Variants in TFDP1 observed in about 807,000 individuals in gnomAD.
TFDP1 encodes the protein DRTF1-polypeptide 1.
A neutral mutation model predicts 48.0 loss-of-function variants in TFDP1; 6 were observed. That is an observed-to-expected ratio of 0.13 (90% CI 0.07 to 0.25). The LOEUF (loss-of-function observed/expected upper bound fraction) is 0.25. Ranked by LOEUF, TFDP1 falls within the 10% of genes least tolerant of loss-of-function variation. The probability of loss-of-function intolerance (pLI) is 1.00; values close to 1 mark genes in which losing one functional copy is unlikely to be tolerated. For synonymous variants in TFDP1, 201 were observed against 211.6 expected (o/e 0.95, Z 0.44); for missense variants, 335 against 543.0 (o/e 0.62, Z 3.81).
chr13:113,636,243 C>T, intron 9 of TFDP1, 115 bp downstream of exon 9: 7 of 1,395,416 alleles, frequency 5.0e-6, no homozygotes, highest in Non-Finnish European at 6.9e-6. Context: ...GCAAATGTTG[C>T]ACAAATTGCT....
intron 5 of TFDP1, among the ~76,000 whole-genome samples, chr13:113,632,792 C>T (rs1372333735): frequency 6.6e-6 from 1 of 152,222 alleles, no homozygotes; most frequent in Non-Finnish European, 1.5e-5. Flanking sequence ...GAAAAAACAA[C>T]AACAAAAAGA....
chr13:113,634,705 C>T, intron 8 of TFDP1, 103 bp downstream of exon 8: 1 of 799,680 alleles, frequency 1.3e-6, no homozygotes, highest in East Asian at 2.5e-5. Flanking sequence ...CATGGCAAAT[C>T]AAATGACTGC....
chr13:113,637,357 C>G (rs946872538), intron 10 of TFDP1: 5 of 344,350 alleles, frequency 1.5e-5, no homozygotes, highest in Admixed American at 8.5e-5. Flanking sequence ...CTTAGACTGC[C>G]CCAGATCTTG....
At chr13:113,636,930 T>C (rs1214288093) in intron 10 of TFDP1, among the ~76,000 whole-genome samples, 1 of 152,124 alleles carries the variant, frequency 6.6e-6, no homozygotes, top group East Asian at 1.9e-4. Context: ...AGTCCACAGG[T>C]GGCTCGTGTG....
intron 11 of TFDP1, 113 bp downstream of exon 11, chr13:113,638,009 C>A: frequency 1.4e-6 from 2 of 1,405,250 alleles, no homozygotes; most frequent in Non-Finnish European, 9.7e-7. Context: ...GCTGCTCTGA[C>A]GTGGCTTGTC....
At chr13:113,625,598 A>T (rs1211830855) in intron 4 of TFDP1, among the ~76,000 whole-genome samples, 2 of 91,824 alleles carry the variant, frequency 2.2e-5, no homozygotes, top group Non-Finnish European at 4.4e-5. Flanking sequence ...GGTGTCTCTC[A>T]CGTGTCTTCA....
intron 2 of TFDP1, among the ~76,000 whole-genome samples, chr13:113,605,135 TGTC>T (rs2048532191): frequency 1.3e-5 from 2 of 151,134 alleles, no homozygotes; most frequent in Non-Finnish European, 3.0e-5. Context: ...CTCTTCCTGT[TGTC>T]AGTTGGGGCG....
chr13:113,625,966 G>GTC (rs1163747108), intron 4 of TFDP1, among the ~76,000 whole-genome samples: 14 of 142,952 alleles, frequency 9.8e-5, no homozygotes, highest in Non-Finnish European at 2.1e-4. Flanking sequence ...GTCCTCAGGC[G>GTC]TCTCTCACGT....
At chr13:113,629,723 C>T (rs927351153) in intron 4 of TFDP1, among the ~76,000 whole-genome samples, 6 of 152,158 alleles carry the variant, frequency 3.9e-5, no homozygotes, top group East Asian at 1.9e-4. Flanking sequence ...TCAGCTCATG[C>T]GGGTTTATCG....
intron 3 of TFDP1, among the ~76,000 whole-genome samples, chr13:113,621,336 T>C (rs1462017144): frequency 1.3e-5 from 2 of 152,214 alleles, no homozygotes; most frequent in African/African-American, 2.4e-5. Context: ...TGGGGGGCTA[T>C]CCGCTCAGCT....
chr13:113,593,461 AG>A, intron 2 of TFDP1, among the ~76,000 whole-genome samples: 1 of 140,392 alleles, frequency 7.1e-6, no homozygotes, highest in African/African-American at 2.7e-5. Flanking sequence ...TCCAGGTGAC[AG>A]GTGTGGTGTG....
At position 113,595,261 on chromosome 13, in the gene TFDP1, C is replaced by G. The variant is rs535218614; in HGVS notation, c.12+9412C>G. ...ATCTCTTGGCTCTGGACTGAACGCCCCTTCTTGGAGAGTGGGCCACCCCTT... is the reference window on the plus strand; with the variant it reads ...ATCTCTTGGCTCTGGACTGAACGCCGCTTCTTGGAGAGTGGGCCACCCCTT... On this transcript the variant is annotated intron_variant, in intron 2 of 11. Transcript: ENST00000375370. Among the ~76,000 whole-genome samples, 93 of 152,272 alleles carry G rather than the reference C, an allele frequency of 6.1e-4. 1 individual carries two copies. Among genetic ancestry groups the G allele is most frequent in the African/African-American group, 1.9e-3 (78 of 41,550 alleles).
At chr13:113,638,953 G>T (rs1178783568) in intron 11 of TFDP1, among the ~76,000 whole-genome samples, 3 of 152,232 alleles carry the variant, frequency 2.0e-5, no homozygotes, top group Non-Finnish European at 4.4e-5. Context: ...GCTTGAGCCT[G>T]CGTTGGGATG....
At chr13:113,616,875 G>A (rs2048872449) in intron 3 of TFDP1, among the ~76,000 whole-genome samples, 1 of 152,166 alleles carries the variant, frequency 6.6e-6, no homozygotes, top group Non-Finnish European at 1.5e-5. Context: ...GTCAGGAGAG[G>A]CCATCAGCTT....
In TFDP1 at chr13:113,585,833, G is replaced by A. The variant is rs1476772590; in HGVS notation, c.-5G>A. ...TTGTAGCATTGATTTCCCGGATCTG[G>A]TAACATGGCAAAAGATGTAAGTATG... On this transcript the variant is annotated 5_prime_UTR_variant, in exon 2 of 12. Coordinates refer to ENST00000375370, the MANE Select transcript of TFDP1 (RefSeq NM_007111.5). 1 of 1,596,446 alleles carries A rather than the reference G, an allele frequency of 6.3e-7. No homozygotes were observed. The highest frequency in any genetic ancestry group is 8.6e-7 in the Non-Finnish European group (1 of 1,167,208).
chr13:113,606,165 CCGCAGGGGA>C (rs2048565841), intron 2 of TFDP1, among the ~76,000 whole-genome samples: 1 of 147,126 alleles, frequency 6.8e-6, no homozygotes, highest in South Asian at 2.2e-4. Flanking sequence ...TGATGAGTGT[CCGCAGGGGA>C]TCCTGTGGGA....
At chr13:113,635,844 C>A in intron 8 of TFDP1, 133 bp from the exon 9 acceptor site, 1 of 1,032,842 alleles carries the variant, frequency 9.7e-7, no homozygotes, top group Non-Finnish European at 1.4e-6. Context: ...CAGCGGCCGG[C>A]GCTGGCATTT....
In TFDP1 at chr13:113,627,918, T is replaced by C. The variant is rs911091434; in HGVS notation, c.187-3705T>C. Among the ~76,000 whole-genome samples the C allele has an allele frequency of 2.0e-5, 3 of 152,180 alleles. No individual in the cohort carries two copies. Among genetic ancestry groups the C allele is most frequent in the African/African-American group, 7.2e-5 (3 of 41,448 alleles). ...CGCTGCTTTAAACACCAAGGCTCAC[T>C]GTGCAGCCAGTGAGGAGGGGAGCTC... On this transcript the variant is annotated intron_variant, in intron 4 of 11. Coordinates refer to ENST00000375370, the MANE Select transcript of TFDP1 (RefSeq NM_007111.5). This position sits in a 1 kb window ranked among gnomAD's most constrained non-coding sequence, Gnocchi z 4.1.
intron 3 of TFDP1, among the ~76,000 whole-genome samples, chr13:113,619,916 AG>A (rs959654756): frequency 3.3e-5 from 5 of 152,262 alleles, no homozygotes; most frequent in African/African-American, 1.2e-4. Context: ...GTGGGGGCTC[AG>A]ACTCCAGGTG....
Sources: gnomAD v4.1 joint callset for allele counts (sites outside exome capture counted in the v4.1 genomes callset) on GRCh38, gnomAD v4.1.1 for gene constraint, Gnocchi (gnomAD v3.1) non-coding constraint, MANE v1.5 for transcripts, NCBI Gene and HGNC (gene_info 2026-07-23, HGNC 2026-07-21) for gene names.